The following PRKN variants were observed in gnomAD, a reference collection of about 807,000 sequenced individuals.
PRKN encodes the protein parkin RBR E3 ubiquitin protein ligase.
A neutral mutation model predicts 59.5 loss-of-function variants in PRKN; 56 were observed. The ratio of observed to expected loss-of-function variants is 0.94; its 90% CI spans 0.76 to 1.18. The LOEUF is 1.18. Ranked by LOEUF, PRKN falls within the 50% of genes most tolerant of loss-of-function variation. PRKN has a pLI of 0.00. For missense variants in PRKN, 657 were observed against 596.4 expected, an observed-to-expected ratio of 1.10 and a Z score of -1.06; for synonymous variants, 250 against 222.1, an observed-to-expected ratio of 1.13 and a Z score of -1.12.
chr6:161,374,654 T>A (rs1785604162), intron 10 of PRKN, among the ~76,000 whole-genome samples: 1 of 9,016 alleles, frequency 1.1e-4, no homozygotes. Context: ...TGTGTGTGTA[T>A]GTGTGATGTG....
At chr6:162,297,178 T>C (rs914414349) in intron 2 of PRKN, among the ~76,000 whole-genome samples, 1 of 151,282 alleles carries the variant, frequency 6.6e-6, no homozygotes, top group Non-Finnish European at 1.5e-5. Flanking sequence ...TCTTTTCTTT[T>C]TTTTTTTTTT....
intron 2 of PRKN, among the ~76,000 whole-genome samples, chr6:162,392,917 C>T (rs777310860): frequency 2.6e-5 from 4 of 151,926 alleles, no homozygotes; most frequent in South Asian, 2.1e-4. Context: ...AGGAGCATGT[C>T]GGATCCGGGC....
chr6:161,715,073 C>T (rs11962693), intron 7 of PRKN, among the ~76,000 whole-genome samples: 24,599 of 152,148 alleles, frequency 0.16, 3,360 homozygotes, highest in African/African-American at 0.37. Context: ...AGCTGCATGC[C>T]AAAGACACAA....
At chr6:162,502,647 G>T (rs905606696) in intron 1 of PRKN, among the ~76,000 whole-genome samples, 1 of 151,990 alleles carries the variant, frequency 6.6e-6, no homozygotes, top group African/African-American at 2.4e-5. Flanking sequence ...AATTATAAAT[G>T]AGATGATCAC....
chr6:161,624,820 T>C (rs1240334152), intron 7 of PRKN, among the ~76,000 whole-genome samples: 1 of 152,222 alleles, frequency 6.6e-6, no homozygotes. Flanking sequence ...ATGCTGCTAC[T>C]AAAAACATTT....
intron 5 of PRKN, among the ~76,000 whole-genome samples, chr6:162,048,921 G>T (rs922709422): frequency 7.9e-5 from 12 of 152,104 alleles, no homozygotes; most frequent in Admixed American, 7.9e-4. Flanking sequence ...CACTAACGGA[G>T]AAAATCCTAA....
At position 161,950,835 on chromosome 6, in the gene PRKN, G is replaced by A. The variant is rs114457907; in HGVS notation, c.734+22467C>T. Among the ~76,000 whole-genome samples the A allele has an allele frequency of 8.0e-3, 1,209 of 151,814 alleles. 20 individuals are homozygous for A. The highest frequency in any genetic ancestry group is 0.028 in the African/African-American group (1,138 of 41,302). On this transcript the variant is annotated intron_variant, in intron 6 of 11. Transcript: ENST00000366898. ...CACGTGAAAATTGTACTGCGTCTTCGAGAGTTGTAAAAGCCTCAGGCGAAG... is the reference window on the plus strand; with the variant it reads ...CACGTGAAAATTGTACTGCGTCTTCAAGAGTTGTAAAAGCCTCAGGCGAAG...
intron 9 of PRKN, among the ~76,000 whole-genome samples, chr6:161,486,191 G>A (rs904238724): frequency 3.3e-4 from 50 of 151,682 alleles, no homozygotes; most frequent in Non-Finnish European, 5.9e-4. Flanking sequence ...ATTTCATTAC[G>A]TTGCCTAGAT....
intron 1 of PRKN, among the ~76,000 whole-genome samples, chr6:162,575,488 C>T (rs571858651): frequency 1.6e-4 from 25 of 152,120 alleles, no homozygotes; most frequent in Admixed American, 3.3e-4. Flanking sequence ...GCTTTTCCTC[C>T]GTATTTTCCC....
intron 4 of PRKN, among the ~76,000 whole-genome samples, chr6:162,195,921 C>T (rs1784473653): frequency 6.6e-6 from 1 of 152,160 alleles, no homozygotes; most frequent in Non-Finnish European, 1.5e-5. Context: ...TGTATGTGCT[C>T]TCAGCTCACT....
At chr6:161,607,566 T>A (rs1782328184) in intron 7 of PRKN, among the ~76,000 whole-genome samples, 1 of 152,080 alleles carries the variant, frequency 6.6e-6, no homozygotes, top group Non-Finnish European at 1.5e-5. Flanking sequence ...AAAAATTTAG[T>A]CAGTTTGGAA....
In PRKN at chr6:161,459,107, GCCCAGT is replaced by G; in HGVS notation, c.1084-72236_1084-72231del. Among the ~76,000 whole-genome samples the G allele has an allele frequency of 6.6e-6, 1 of 152,112 alleles. No individual in the cohort carries two copies. On this transcript the variant is annotated intron_variant, in intron 9 of 11. Coordinates refer to ENST00000366898, the MANE Select transcript of PRKN (RefSeq NM_004562.3). The surrounding 1 kb of genome is among the most constrained non-coding windows in gnomAD (Gnocchi z 4.8). ...GCTGACAGCCAGGGCCTTGTTAGTGGCCCAGTAGCCAAAAGAAGCTACTTTCAGAAG... is the reference window on the plus strand; with the variant it reads ...GCTGACAGCCAGGGCCTTGTTAGTGGAGCCAAAAGAAGCTACTTTCAGAAG...
Position 161,390,866 on chromosome 6 carries a change from T to C in PRKN, c.1084-3989A>G, listed in dbSNP as rs550807023. On this transcript the variant is annotated intron_variant, in intron 9 of 11. Coordinates refer to ENST00000366898, the MANE Select transcript of PRKN (RefSeq NM_004562.3). The surrounding 1 kb of genome is among the most constrained non-coding windows in gnomAD (Gnocchi z 7.0). ...TGTGAATTATCATTTCAGATAACTA[T>C]TAAGTCGTTATGACATTAATTCTTA... is the stretch of plus-strand genomic sequence containing the variant. Among the ~76,000 whole-genome samples the C allele has an allele frequency of 2.8e-4, 43 of 152,306 alleles. No individual in the cohort carries two copies. Among genetic ancestry groups the C allele is most frequent in the African/African-American group, 8.9e-4 (37 of 41,530 alleles).
At chr6:161,989,089 TTTAG>T (rs1192655420) in intron 5 of PRKN, among the ~76,000 whole-genome samples, 1 of 152,224 alleles carries the variant, frequency 6.6e-6, no homozygotes, top group Non-Finnish European at 1.5e-5. Context: ...TACAATGAGC[TTTAG>T]TACAAACAGC....
At position 162,356,990 on chromosome 6, in the gene PRKN, C is replaced by A. The variant is rs530072903; in HGVS notation, c.171+86320G>T. On this transcript the variant is annotated intron_variant, in intron 2 of 11. Transcript: ENST00000366898. ...AAATCAACTAAAAATGCGCCATAAA[C>A]TTCAATATAAAATGCAAAACTATAA... 5.9e-5 allele frequency among the ~76,000 whole-genome samples: 9 copies of A among 151,922 alleles called. No homozygotes were observed. In the South Asian group the frequency reaches 1.9e-3, roughly 32 times the overall value.
At chr6:161,978,181 CTGGGATTACAGGCA>C (rs894579751) in intron 5 of PRKN, among the ~76,000 whole-genome samples, 8 of 152,090 alleles carry the variant, frequency 5.3e-5, no homozygotes, top group African/African-American at 1.2e-4. Flanking sequence ...TCCCGAATAG[CTGGGATTACAGGCA>C]TGTGCCACCA....
chr6:162,434,973 ATTTC>A (rs1172659477), intron 2 of PRKN, among the ~76,000 whole-genome samples: 3 of 152,198 alleles, frequency 2.0e-5, no homozygotes, highest in African/African-American at 7.2e-5. Flanking sequence ...ACAACCTCTC[ATTTC>A]TTAAATTCTT....
At chr6:162,264,129 T>G (rs1780019342) in intron 2 of PRKN, among the ~76,000 whole-genome samples, 1 of 151,712 alleles carries the variant, frequency 6.6e-6, no homozygotes. Context: ...CAAAAAAAAT[T>G]AGCCGGCTTT....
chr6:162,063,817 T>A (rs996464739), intron 4 of PRKN, among the ~76,000 whole-genome samples: 3 of 152,232 alleles, frequency 2.0e-5, no homozygotes, highest in African/African-American at 4.8e-5. Flanking sequence ...AGTTCCGGGA[T>A]TACAGGCAAG....
Sources: allele counts gnomAD v4.1 joint callset (sites outside exome capture counted in the v4.1 genomes callset), GRCh38; gene constraint gnomAD v4.1.1; non-coding constraint Gnocchi (gnomAD v3.1); transcripts MANE v1.5; gene names NCBI Gene and HGNC (gene_info 2026-07-23, HGNC 2026-07-21).